NOTCH2: variants seen among roughly 807,000 people sequenced by gnomAD.
NOTCH2 encodes notch receptor 2, also known as neurogenic locus notch homolog protein 2.
Under a neutral mutation model 235.8 loss-of-function variants are expected in NOTCH2, and 29 were observed. The ratio of observed to expected loss-of-function variants is 0.12; its 90% CI spans 0.09 to 0.17. The LOEUF (loss-of-function observed/expected upper bound fraction) is 0.17. Among genes scored for constraint, NOTCH2 ranks in the 10% least tolerant of loss-of-function variants. The probability of loss-of-function intolerance (pLI) is 1.00; values close to 1 mark genes in which losing one functional copy is unlikely to be tolerated. For synonymous variants in NOTCH2, 1,086 were observed against 1,141.5 expected (o/e 0.95, Z 0.98); for missense variants, 2,285 against 3,150.2 (o/e 0.73, Z 6.57).
Position 119,935,524 on chromosome 1 carries a change from G to T in NOTCH2, c.3603C>A (p.Thr1201=), listed in dbSNP as rs782538781. The T allele has an allele frequency of 6.2e-7, 1 of 1,614,190 alleles. No individual in the cohort carries two copies. The highest frequency in any genetic ancestry group is 8.5e-7 in the Non-Finnish European group (1 of 1,180,026). ...TGAAATGGTTCACAAGGTCAATACA[G>T]GTGCCTCCATTCTGGCAGGGCTGAT... ...CQNQPCQNGG[T]CIDLVNHFKC... is the part of the protein sequence containing the mutation. The change falls in exon 22 of 34, where the codon ACC becomes ACA. Residue 1201 remains threonine, a synonymous_variant. Coordinates refer to ENST00000256646, the MANE Select transcript of NOTCH2 (RefSeq NM_024408.4).
At position 119,966,989 on chromosome 1, in the gene NOTCH2, T is replaced by C. The variant is rs587772298; in HGVS notation, c.1453+444A>G. ...CTGTATCCTCTCAAAATTAAAGACA[T>C]GGTCTATGCAGAAGAGCTCCAGAAT... is the stretch of plus-strand genomic sequence containing the variant. On this transcript the variant is annotated intron_variant, in intron 8 of 33. Coordinates refer to ENST00000256646, the MANE Select transcript of NOTCH2 (RefSeq NM_024408.4). Among the ~76,000 whole-genome samples the C allele has an allele frequency of 5.9e-5, 9 of 152,294 alleles. No homozygotes were observed. The East Asian group carries it at 1.7e-3, about 29-fold the overall frequency.
intron 4 of NOTCH2, 62 bp from the exon 5 acceptor site, chr1:119,987,144 T>TCG: frequency 6.3e-7 from 1 of 1,599,780 alleles, no homozygotes; most frequent in Non-Finnish European, 8.5e-7. Flanking sequence ...ACCTGCTCTG[T>TCG]TCCCACAGAA....
intron 2 of NOTCH2, among the ~76,000 whole-genome samples, chr1:120,015,996 C>CAGAGT (rs1439374958): frequency 1.6e-5 from 2 of 128,788 alleles, no homozygotes; most frequent in African/African-American, 5.8e-5. Context: ...ATAGCTTACT[C>CAGAGT]AGCAAGAAGG....
In NOTCH2 at chr1:119,923,795, C is replaced by T. The variant is rs1649370238; in HGVS notation, c.4701G>A (p.Arg1567=). 6.2e-7 allele frequency: 1 copy of T among 1,614,184 alleles called. No individual in the cohort carries two copies. Among genetic ancestry groups the T allele is most frequent in the Non-Finnish European group, 8.5e-7 (1 of 1,180,044 alleles). Reference sequence around the variant, plus strand: ...TGGTGTGGAGCAGGGTACCCAGTGCCCGCAAGAAGCTGCGAGCATCCTGGA... The same window carrying T: ...TGGTGTGGAGCAGGGTACCCAGTGCTCGCAAGAAGCTGCGAGCATCCTGGA... ...QLLQDARSFL[R]ALGTLLHTNL... Residue 1567 remains arginine, a synonymous_variant, in exon 26 of 34, where the codon CGG becomes CGA. Coordinates refer to ENST00000256646, the MANE Select transcript of NOTCH2 (RefSeq NM_024408.4).
At chr1:120,041,511 G>T (rs1654568955) in intron 1 of NOTCH2, among the ~76,000 whole-genome samples, 2 of 135,388 alleles carry the variant, frequency 1.5e-5, no homozygotes, top group South Asian at 5.1e-4. Context: ...AGAAAATTTT[G>T]TATATATTAA....
At chr1:119,930,450 A>G (rs781823098) in intron 22 of NOTCH2, among the ~76,000 whole-genome samples, 6 of 151,058 alleles carry the variant, frequency 4.0e-5, no homozygotes, top group African/African-American at 7.3e-5. Context: ...GAAATCAATG[A>G]CTATTCTAGA....
At chr1:119,935,668 C>T (rs1649824075) in intron 21 of NOTCH2, 64 bp from the exon 22 acceptor site, 2 of 1,554,182 alleles carry the variant, frequency 1.3e-6, no homozygotes, top group Non-Finnish European at 1.8e-6. Flanking sequence ...ACCATGAGAG[C>T]TAGTGAGATC....
chr1:120,067,188 T>G (rs112402692), intron 1 of NOTCH2, among the ~76,000 whole-genome samples: 7,754 of 151,424 alleles, frequency 0.051, 646 homozygotes, highest in African/African-American at 0.18. Flanking sequence ...TTAAGAGGAT[T>G]CAAGAAGCCT....
At chr1:119,959,264 G>A (rs587766191) in intron 12 of NOTCH2, 128 bp downstream of exon 12, 3 of 699,226 alleles carry the variant, frequency 4.3e-6, no homozygotes, top group Non-Finnish European at 5.3e-6. Flanking sequence ...GAGAAGCAGA[G>A]AAACAGACTA....
In NOTCH2 at chr1:119,916,584, G is replaced by A. The variant is rs1443324997; in HGVS notation, c.6138C>T (p.Pro2046=). ...RDITDHMDRL[P]RDVARDRMHH... ...GCATGCGATCCCGAGCCACATCCCGGGGAAGACGATCCATATGGTCTGTGA... is the reference window on the plus strand; with the variant it reads ...GCATGCGATCCCGAGCCACATCCCGAGGAAGACGATCCATATGGTCTGTGA... The change falls in exon 34 of 34, where the codon CCC becomes CCT. Residue 2046 remains proline, a synonymous_variant. Transcript: ENST00000256646. 6.2e-7 allele frequency: 1 copy of A among 1,614,048 alleles called. No homozygotes were observed. The highest frequency in any genetic ancestry group is 1.3e-5 in the African/African-American group (1 of 74,908).
At chr1:119,973,662 T>G (rs1553200622) in intron 5 of NOTCH2, among the ~76,000 whole-genome samples, 2 of 151,880 alleles carry the variant, frequency 1.3e-5, no homozygotes, top group Non-Finnish European at 2.9e-5. Flanking sequence ...CATAAGACAG[T>G]TAAGGAACAC....
At chr1:120,069,121 G>A (rs782325399) in intron 1 of NOTCH2, 10 of 1,524,926 alleles carry the variant, frequency 6.6e-6, no homozygotes, top group South Asian at 6.0e-5. Flanking sequence ...GGGCCGCGGG[G>A]AGCAGAGGCG....
intron 21 of NOTCH2, among the ~76,000 whole-genome samples, chr1:119,936,811 C>T (rs1649866201): frequency 6.6e-6 from 1 of 152,080 alleles, no homozygotes; most frequent in Admixed American, 6.5e-5. Context: ...CAAATATATA[C>T]ATGTAACGTT....
chr1:120,039,172 C>T (rs61788929), intron 1 of NOTCH2, among the ~76,000 whole-genome samples: 296 of 130,234 alleles, frequency 2.3e-3, no homozygotes, highest in South Asian at 3.9e-3. Flanking sequence ...TGTAATAAAA[C>T]CCAACAGAGA....
chr1:119,969,824 T>G, intron 5 of NOTCH2, 80 bp from the exon 6 acceptor site: 1 of 1,238,034 alleles, frequency 8.1e-7, no homozygotes. Flanking sequence ...ACACTCTTCA[T>G]CTTCATGTGA....
intron 2 of NOTCH2, among the ~76,000 whole-genome samples, chr1:120,009,769 C>T (rs1553206688): frequency 6.7e-6 from 1 of 149,810 alleles, no homozygotes; most frequent in African/African-American, 2.5e-5. Flanking sequence ...CTCCCTCTGT[C>T]TAACTCAAAA....
intron 2 of NOTCH2, among the ~76,000 whole-genome samples, chr1:120,023,398 C>A (rs1218368708): frequency 8.7e-5 from 13 of 150,076 alleles, no homozygotes; most frequent in Non-Finnish European, 1.6e-4. Flanking sequence ...GAAAGCGCCA[C>A]TGCACTCCAG....
Position 119,967,449 on chromosome 1 carries a change from T to C in NOTCH2, c.1437A>G (p.Thr479=), listed in dbSNP as rs2101143662. ...CCCATTTACCTGGCATGCACAGACA[T>C]GTGAAGCCTCCAATCTTATCCAGAC... ...ATCLDKIGGF[T]CLCMPGFKGV... is the part of the protein sequence containing the mutation. Residue 479 remains threonine (T), a synonymous_variant, in exon 8 of 34, where the codon ACA becomes ACG. Transcript: ENST00000256646. 6.2e-7 allele frequency: 1 copy of C among 1,614,074 alleles called. No individual in the cohort carries two copies. Among genetic ancestry groups the C allele is most frequent in the Admixed American group, 1.7e-5 (1 of 60,032 alleles).
Position 119,929,082 on chromosome 1 carries a change from C to T in NOTCH2, c.3786G>A (p.Glu1262=), listed in dbSNP as rs781940056. The change falls in exon 23 of 34, where the codon GAG becomes GAA. Residue 1262 remains glutamate, a synonymous_variant. Coordinates refer to ENST00000256646, the MANE Select transcript of NOTCH2 (RefSeq NM_024408.4). ...CLPGFAGERC[E]GDINECLSNP... ...TGGAGAGGCACTCGTTGATGTCTCCCTCACAACGCTCCCCAGCAAAGCCAG... is the reference window on the plus strand; with the variant it reads ...TGGAGAGGCACTCGTTGATGTCTCCTTCACAACGCTCCCCAGCAAAGCCAG... The T allele has an allele frequency of 2.5e-6, 4 of 1,614,176 alleles. No homozygotes were observed. Among genetic ancestry groups the T allele is most frequent in the South Asian group, 2.2e-5 (2 of 91,084 alleles).
Sources: gnomAD v4.1 joint callset for allele counts (sites outside exome capture counted in the v4.1 genomes callset) on GRCh38, gnomAD v4.1.1 for gene constraint, MANE v1.5 for transcripts, NCBI Gene and HGNC (gene_info 2026-07-23, HGNC 2026-07-21) for gene names.